The following LCORL variants were observed in gnomAD, a reference collection of about 807,000 sequenced individuals.
LCORL encodes ligand dependent nuclear receptor corepressor like.
LCORL carries 41 observed loss-of-function variants against 141.8 expected under a neutral mutation model. That is an observed-to-expected ratio of 0.29 (90% CI 0.23 to 0.38). The LOEUF (loss-of-function observed/expected upper bound fraction) is 0.38, where lower values mean the gene tolerates loss of function less well. LCORL is among the 10% of genes least tolerant of loss of function. The pLI, the probability that LCORL is intolerant of heterozygous loss-of-function variation, is 1.00. For synonymous variants in LCORL, 618 were observed against 694.1 expected (o/e 0.89, Z 1.72); for missense variants, 1,759 against 2,035.0 (o/e 0.86, Z 2.61).
intron 1 of LCORL, among the ~76,000 whole-genome samples, chr4:17,998,436 C>T (rs1721259880): frequency 6.6e-6 from 1 of 151,694 alleles, no homozygotes; most frequent in Admixed American, 6.6e-5. Flanking sequence ...TCTATTTAAA[C>T]TTTTTTTTAA....
chr4:17,964,565 G>A (rs1426654121), intron 2 of LCORL, among the ~76,000 whole-genome samples: 1 of 151,950 alleles, frequency 6.6e-6, no homozygotes, highest in Non-Finnish European at 1.5e-5. Context: ...AAATCAAAAA[G>A]TTTCAACATT....
rs1266561986 is a variant in LCORL at position 17,884,239 on chromosome 4, A to G, written c.776+1829T>C. 3 of 1,550,792 alleles carry G rather than the reference A, an allele frequency of 1.9e-6. No individual in the cohort carries two copies. In the South Asian group the frequency reaches 3.6e-5, roughly 18 times the overall value. ...CTTGATACATAACATCCAACAGACCAGAACCATCAGGTTGTGATTTTGAGA... is the reference window on the plus strand; with the variant it reads ...CTTGATACATAACATCCAACAGACCGGAACCATCAGGTTGTGATTTTGAGA... On this transcript the variant is annotated intron_variant, in intron 6 of 7. Coordinates refer to ENST00000635767, the Ensembl canonical transcript of LCORL. The surrounding 1 kb of genome is among the most constrained non-coding windows in gnomAD (Gnocchi z 4.4).
intron 4 of LCORL, among the ~76,000 whole-genome samples, chr4:17,914,256 G>A (rs1314534241): frequency 2.0e-5 from 3 of 152,176 alleles, no homozygotes; most frequent in East Asian, 3.9e-4. Context: ...TTTGTATTAT[G>A]TATTTAAAGG....
Position 17,874,010 on chromosome 4 carries a change from A to T in LCORL, c.4980T>A (p.Cys1660Ter). Residue 1660 changes from cysteine (C) to a stop codon, truncating the protein, a stop_gained, in exon 7 of 8, where the codon TGT (cysteine) becomes TGA (stop). Coordinates refer to ENST00000635767, the Ensembl canonical transcript of LCORL. LOFTEE classifies it high-confidence loss of function. The stretch of plus-strand genomic sequence containing the variant: ...CACCCCTGATCTCAGGTGGCAAAAC[A>T]CACTGATTATCTACTATGCTTTTTC... The T allele has an allele frequency of 8.1e-7, 1 of 1,234,164 alleles. No individual in the cohort carries two copies. The highest frequency in any genetic ancestry group is 1.0e-6 in the Non-Finnish European group (1 of 987,984). 76.5% of individuals were successfully genotyped at this position (1,234,164 alleles called of 1,614,324 possible).
chr4:17,982,864 C>T (rs1006553204), intron 1 of LCORL, among the ~76,000 whole-genome samples: 2 of 152,076 alleles, frequency 1.3e-5, no homozygotes, highest in African/African-American at 4.8e-5. Context: ...AATGGTACTG[C>T]CTAGGTTGTC....
At chr4:17,954,147 AAC>A (rs1451156033) in intron 4 of LCORL, among the ~76,000 whole-genome samples, 1 of 152,224 alleles carries the variant, frequency 6.6e-6, no homozygotes, top group Non-Finnish European at 1.5e-5. Flanking sequence ...TGGGCAACAG[AAC>A]GAGACTCCAT....
chr4:17,925,139 C>A (rs983810184), intron 4 of LCORL, among the ~76,000 whole-genome samples: 25 of 152,162 alleles, frequency 1.6e-4, no homozygotes, highest in Non-Finnish European at 3.5e-4. Flanking sequence ...GTTAAGATTG[C>A]CACCTGGCTA....
rs1465519562 is a variant in LCORL, at chr4:17,884,489, T to C, written c.776+1579A>G. On this transcript the variant is annotated intron_variant, in intron 6 of 7. Transcript: ENST00000635767. The surrounding 1 kb of genome is among the most constrained non-coding windows in gnomAD (Gnocchi z 4.4). ...AGCTCTTGCCCACAAGGCTACTTTT[T>C]GCAGCACTGCACAAGTTTCTTTACT... 2 of 1,548,030 alleles carry C rather than the reference T, an allele frequency of 1.3e-6. No homozygotes were observed. Among genetic ancestry groups the C allele is most frequent in the South Asian group, 1.2e-5 (1 of 83,706 alleles).
At chr4:17,949,821 T>A (rs1226082624) in intron 4 of LCORL, among the ~76,000 whole-genome samples, 1 of 151,872 alleles carries the variant, frequency 6.6e-6, no homozygotes, top group African/African-American at 2.4e-5. Flanking sequence ...TACAGAGGGG[T>A]TTGAGAAACT....
intron 4 of LCORL, among the ~76,000 whole-genome samples, chr4:17,957,155 G>C (rs1014285558): frequency 6.6e-6 from 1 of 151,918 alleles, no homozygotes; most frequent in Non-Finnish European, 1.5e-5. Flanking sequence ...CATGAGCTAT[G>C]ATGGGAATAG....
At chr4:17,937,380 A>G (rs1391983326) in intron 4 of LCORL, among the ~76,000 whole-genome samples, 1 of 152,214 alleles carries the variant, frequency 6.6e-6, no homozygotes, top group Non-Finnish European at 1.5e-5. Flanking sequence ...CAACCATTGT[A>G]TTATATCATC....
chr4:17,947,375 A>G (rs1331061601), intron 4 of LCORL, among the ~76,000 whole-genome samples: 6 of 152,004 alleles, frequency 3.9e-5, no homozygotes, highest in African/African-American at 1.4e-4. Context: ...AGAATACAAG[A>G]AGTACAGAGT....
Position 18,021,677 on chromosome 4 carries a change from C to G in LCORL, c.75G>C (p.Arg25=). The change falls in exon 1 of 8, where the codon CGG becomes CGC. Residue 25 remains arginine (R), a synonymous_variant. Coordinates refer to ENST00000635767, the Ensembl canonical transcript of LCORL. The surrounding 1 kb of genome is among the most constrained non-coding windows in gnomAD (Gnocchi z 5.5). ...TTCTCTCCGCCGCGCACCGAGGGCT[C>G]CGGCACTGAGCGGCGGCGGCGGCGG... The G allele has an allele frequency of 1.3e-6, 2 of 1,541,524 alleles. No individual in the cohort carries two copies. The highest frequency in any genetic ancestry group is 8.7e-7 in the Non-Finnish European group (1 of 1,143,060).
chr4:17,890,740 C>T (rs918256831), intron 5 of LCORL, among the ~76,000 whole-genome samples: 3 of 151,982 alleles, frequency 2.0e-5, no homozygotes, highest in African/African-American at 4.8e-5. Context: ...ATAACACTAC[C>T]GGAATTCAAT....
At chr4:17,972,234 A>T (rs778255909) in intron 2 of LCORL, among the ~76,000 whole-genome samples, 39 of 151,846 alleles carry the variant, frequency 2.6e-4, no homozygotes, top group Non-Finnish European at 4.9e-4. Context: ...TTCCTCATTT[A>T]AAAAATGTTT....
chr4:17,904,383 C>T (rs1283573972), intron 5 of LCORL, among the ~76,000 whole-genome samples: 1 of 152,028 alleles, frequency 6.6e-6, no homozygotes, highest in African/African-American at 2.4e-5. Flanking sequence ...ATTTCACTTT[C>T]TTCAGTGACT....
At chr4:17,842,326 A>G in exon 8 of LCORL, 1 of 1,612,114 alleles carries the variant, frequency 6.2e-7, no homozygotes, top group East Asian at 2.2e-5. Context: ...GAAAAGTGAC[A>G]GTTTCAGCTA....
chr4:17,906,195 T>C (rs1731585530), intron 5 of LCORL, among the ~76,000 whole-genome samples: 1 of 152,210 alleles, frequency 6.6e-6, no homozygotes, highest in African/African-American at 2.4e-5. Flanking sequence ...GGGTATGTGC[T>C]TCATTTTTCC....
At chr4:17,883,205 T>A (rs888398690) in intron 6 of LCORL, 1 of 981,268 alleles carries the variant, frequency 1.0e-6, no homozygotes, top group Non-Finnish European at 1.2e-6. Context: ...TAATACTGTA[T>A]ATATTAATTT....
Sources: allele counts gnomAD v4.1 joint callset (sites outside exome capture counted in the v4.1 genomes callset), GRCh38; gene constraint gnomAD v4.1.1; non-coding constraint Gnocchi (gnomAD v3.1); transcripts MANE v1.5; gene names NCBI Gene and HGNC (gene_info 2026-07-23, HGNC 2026-07-21).